Variants in DSE observed in about 807,000 individuals in gnomAD.
The protein encoded by DSE is dermatan sulfate epimerase.
Under a neutral mutation model 84.4 loss-of-function variants are expected in DSE, and 36 were observed. The observed-to-expected ratio is 0.43, with a 90% CI of 0.33 to 0.56. The LOEUF is 0.56. DSE is among the 20% of genes least tolerant of loss of function. The pLI is 0.06. For missense variants in DSE, 862 were observed against 1,169.6 expected (o/e 0.74, Z 3.84); for synonymous variants, 410 against 430.1 (o/e 0.95, Z 0.58).
intron 2 of DSE, among the ~76,000 whole-genome samples, chr6:116,338,446 A>T (rs1442050297): frequency 6.7e-6 from 1 of 150,160 alleles, no homozygotes; most frequent in African/African-American, 2.4e-5. Flanking sequence ...CTGGTCTCAA[A>T]CTCCTGACAT....
At chr6:116,343,488 A>G (rs1777749052) in intron 2 of DSE, among the ~76,000 whole-genome samples, 1 of 152,210 alleles carries the variant, frequency 6.6e-6, no homozygotes, top group Non-Finnish European at 1.5e-5. Context: ...CCATTCTGCA[A>G]TATTTGCTGT....
chr6:116,334,014 G>C (rs926266788), intron 2 of DSE, among the ~76,000 whole-genome samples: 3 of 152,118 alleles, frequency 2.0e-5, no homozygotes, highest in African/African-American at 7.2e-5. Context: ...AAAGAAGTTT[G>C]ACTCTTTGCT....
At chr6:116,416,919 C>T (rs949420581) in intron 2 of DSE, among the ~76,000 whole-genome samples, 1 of 152,086 alleles carries the variant, frequency 6.6e-6, no homozygotes, top group Non-Finnish European at 1.5e-5. Context: ...ATATCAAGCT[C>T]CTTTTTAAAA....
intron 2 of DSE, among the ~76,000 whole-genome samples, chr6:116,346,420 CATG>C (rs1777972397): frequency 1.3e-5 from 2 of 152,208 alleles, no homozygotes; most frequent in African/African-American, 4.8e-5. Flanking sequence ...GCTTATCCAC[CATG>C]ATCAAATGGG....
chr6:116,311,621 T>C (rs1775700286), intron 2 of DSE, among the ~76,000 whole-genome samples: 1 of 152,220 alleles, frequency 6.6e-6, no homozygotes, highest in East Asian at 1.9e-4. Flanking sequence ...CAAGATGTAC[T>C]AGCTCTGAAA....
chr6:116,270,015 A>G (rs761336717), intron 2 of DSE, among the ~76,000 whole-genome samples: 5 of 152,196 alleles, frequency 3.3e-5, no homozygotes, highest in African/African-American at 7.2e-5. Flanking sequence ...CTGCTCTGAT[A>G]GAGTTATACT....
intron 2 of DSE, among the ~76,000 whole-genome samples, chr6:116,265,459 G>A (rs1772583536): frequency 6.6e-6 from 1 of 152,128 alleles, no homozygotes; most frequent in East Asian, 1.9e-4. Context: ...ACATGCTGGT[G>A]GGGCAGTGAA....
intron 1 of DSE, among the ~76,000 whole-genome samples, chr6:116,386,652 C>G (rs1441874061): frequency 6.6e-6 from 1 of 152,188 alleles, no homozygotes; most frequent in Non-Finnish European, 1.5e-5. Flanking sequence ...TCCAGCCTCT[C>G]CAGAGCAAAG....
In DSE at chr6:116,440,167, T is replaced by C. The variant is rs1784382767; in HGVS notation, c.*2822T>C. 1.3e-5 allele frequency: 2 copies of C among 152,318 alleles called. No individual in the cohort carries two copies. The highest frequency in any genetic ancestry group is 1.9e-4 in the East Asian group (1 of 5,194). The allele number at this position is 152,318 out of a possible 1,614,324, so 9.4% of individuals were successfully genotyped here. On this transcript the variant is annotated 3_prime_UTR_variant, in exon 6 of 6. Coordinates refer to ENST00000644252, the MANE Select transcript of DSE (RefSeq NM_013352.4). The stretch of plus-strand genomic sequence containing the variant: ...AAGATAATGAATTCTTCCACAAATA[T>C]TTTAGTCATAGTTTTTAAGTACCAC...
At chr6:116,396,968 C>G (rs1478511977) in intron 1 of DSE, among the ~76,000 whole-genome samples, 3 of 152,060 alleles carry the variant, frequency 2.0e-5, no homozygotes, top group African/African-American at 7.2e-5. Context: ...CCCATATGCT[C>G]ATAGCTGGAG....
At chr6:116,277,071 G>A (rs1372586052) in intron 2 of DSE, 3 of 152,234 alleles carry the variant, frequency 2.0e-5, no homozygotes, top group Admixed American at 6.5e-5. Context: ...TAAGACTGTT[G>A]TTCTTCCAAA....
chr6:116,279,184 T>A lies in DSE; in HGVS notation c.-54+20217T>A, dbSNP rs753490319. On this transcript the variant is annotated intron_variant, in intron 2 of 3. Coordinates refer to the DSE transcript ENST00000430252. ...ATGCAAAGGCCAGGGCCCTTCTTCC[T>A]CCCTCGCCTCCTCCTCCAATCTATC... 2 of 1,611,992 alleles carry A rather than the reference T, an allele frequency of 1.2e-6. No homozygotes were observed. The highest frequency in any genetic ancestry group is 2.2e-5 in the South Asian group (2 of 91,028).
At chr6:116,321,274 AG>A (rs1458859889) in intron 2 of DSE, among the ~76,000 whole-genome samples, 1 of 592 alleles carries the variant, frequency 1.7e-3, no homozygotes, top group East Asian at 0.062. Flanking sequence ...CCTGTGCTCA[AG>A]TGATCCTCCT....
At chr6:116,427,786 C>T (rs1783543474) in intron 3 of DSE, among the ~76,000 whole-genome samples, 1 of 152,214 alleles carries the variant, frequency 6.6e-6, no homozygotes, top group Admixed American at 6.5e-5. Flanking sequence ...TTTGTTATCT[C>T]TGTCAGAAGG....
In DSE at chr6:116,435,881, T is replaced by C. The variant is rs1256352408; in HGVS notation, c.1413T>C (p.Ala471=). Reference sequence around the variant, plus strand: ...ATGGTGTGCCTTTCATTACTGAGGCTCTGTACGGGCCAAAGTACACCTTCT... The same window carrying C: ...ATGGTGTGCCTTTCATTACTGAGGCCCTGTACGGGCCAAAGTACACCTTCT... The part of the protein sequence containing the change: ...APNGVPFITE[A]LYGPKYTFFN... The change falls in exon 6 of 6, where the codon GCT becomes GCC. Residue 471 remains alanine, a synonymous_variant. Coordinates refer to ENST00000644252, the MANE Select transcript of DSE (RefSeq NM_013352.4). 3.1e-6 allele frequency: 5 copies of C among 1,614,158 alleles called. No individual in the cohort carries two copies. Among genetic ancestry groups the C allele is most frequent in the Non-Finnish European group, 4.2e-6 (5 of 1,180,028 alleles).
intron 2 of DSE, among the ~76,000 whole-genome samples, chr6:116,415,902 A>G (rs1486639971): frequency 6.6e-6 from 1 of 152,188 alleles, no homozygotes; most frequent in Non-Finnish European, 1.5e-5. Context: ...ATTACCACAT[A>G]CTCAGTGGCC....
At chr6:116,279,892 G>A (rs1191310803) in intron 2 of DSE, 12 of 1,607,860 alleles carry the variant, frequency 7.5e-6, no homozygotes, top group Non-Finnish European at 1.0e-5. Flanking sequence ...CGAACTGGGA[G>A]CTAACCGCCG....
chr6:116,278,424 A>G, intron 2 of DSE: 2 of 1,556,614 alleles, frequency 1.3e-6, no homozygotes, highest in Non-Finnish European at 1.8e-6. Context: ...AAAACAAAGC[A>G]CAATAGAAGG....
intron 2 of DSE, chr6:116,288,080 G>T (rs190289897): frequency 6.6e-6 from 1 of 151,920 alleles, no homozygotes; most frequent in Non-Finnish European, 1.5e-5. Context: ...AATTGTTTAC[G>T]TATCTCATAG....
Sources: allele counts gnomAD v4.1 joint callset (sites outside exome capture counted in the v4.1 genomes callset), GRCh38; gene constraint gnomAD v4.1.1; transcripts MANE v1.5; gene names NCBI Gene and HGNC (gene_info 2026-07-23, HGNC 2026-07-21).